SEC16A: variants seen among roughly 807,000 people sequenced by gnomAD.
The protein encoded by SEC16A is protein transport protein Sec16A.
A neutral mutation model predicts 221.9 loss-of-function variants in SEC16A; 110 were observed. The ratio of observed to expected loss-of-function variants is 0.50; its 90% CI spans 0.42 to 0.58. The LOEUF (loss-of-function observed/expected upper bound fraction) is 0.58, where lower values mean the gene tolerates loss of function less well. Ranked by LOEUF, SEC16A falls within the 20% of genes least tolerant of loss-of-function variation. The pLI is 0.00. For missense variants in SEC16A, 3,165 were observed against 3,097.8 expected, an observed-to-expected ratio of 1.02 and a Z score of -0.52; for synonymous variants, 1,393 against 1,257.7, an observed-to-expected ratio of 1.11 and a Z score of -2.28.
intron 31 of SEC16A, among the ~76,000 whole-genome samples, chr9:136,442,766 A>G (rs373909439): frequency 6.1e-4 from 93 of 152,368 alleles, no homozygotes; most frequent in African/African-American, 2.2e-3. Flanking sequence ...CAGGAAACCT[A>G]AGGCCACTTG....
At chr9:136,483,985 G>C (rs1413343237), upstream of SEC16A, 3 of 191,254 alleles carry the variant, frequency 1.6e-5, no homozygotes, top group African/African-American at 7.1e-5. Context: ...CTGTCCCTTC[G>C]CTCTGCACAG....
rs746345743 is a variant in SEC16A, at chr9:136,457,588, A to T, written c.5410-4T>A. ...AGGAGTAGATGAACTTAAACACCTG[A>T]AACGACAGAAGCCTTGCTGCCCTGC... On this transcript the variant is annotated splice_polypyrimidine_tract_variant and splice_region_variant and intron_variant, in intron 17 of 31. Coordinates refer to ENST00000684901, the MANE Select transcript of SEC16A (RefSeq NM_014866.2). The T allele has an allele frequency of 1.8e-5, 29 of 1,607,408 alleles. No individual in the cohort carries two copies. Among genetic ancestry groups the T allele is most frequent in the African/African-American group, 2.7e-5 (2 of 74,836 alleles).
chr9:136,446,703 C>T (rs527923450), intron 28 of SEC16A, among the ~76,000 whole-genome samples, 152 bp downstream of exon 28: 33 of 152,314 alleles, frequency 2.2e-4, no homozygotes, highest in African/African-American at 5.8e-4. Flanking sequence ...TTCTACCTTC[C>T]GTCTCTACCA....
chr9:136,462,953 A>T lies in SEC16A; in HGVS notation c.4827T>A (p.Ala1609=). ...QLSFLTGGPA[A]AASSLERETE... Reference sequence around the variant, plus strand: ...TCTCTCTCTCGAGCGAGCTGGCGGCAGCCGCCGGACCACCAGTGAGGAAAG... The same window carrying T: ...TCTCTCTCTCGAGCGAGCTGGCGGCTGCCGCCGGACCACCAGTGAGGAAAG... Residue 1609 remains alanine (A), a synonymous_variant, in exon 12 of 32, where the codon GCT becomes GCA. Transcript: ENST00000684901. 1 of 1,606,800 alleles carries T rather than the reference A, an allele frequency of 6.2e-7. No homozygotes were observed. Among genetic ancestry groups the T allele is most frequent in the Non-Finnish European group, 8.5e-7 (1 of 1,179,858 alleles).
Position 136,451,324 on chromosome 9 carries a change from G to C in SEC16A, c.6244C>G (p.Leu2082Val). 1 of 1,613,796 alleles carries C rather than the reference G, an allele frequency of 6.2e-7. No individual in the cohort carries two copies. The highest frequency in any genetic ancestry group is 8.5e-7 in the Non-Finnish European group (1 of 1,179,814). ...CTCTTTGTTTCGGGAGCGGGTGAGA[G>C]AGACAGAGGTGGCTGCGTGGGACCC... ...DSGPTQPPLS[L>V]SPAPETKRPG... is the part of the protein sequence containing the mutation. The change falls in exon 23 of 32, where the codon CTC (leucine) becomes GTC (valine). Residue 2082 changes from leucine to valine, a missense_variant. Around this residue, in one of 3 missense-constraint regions of SEC16A, gnomAD observed 1,088 missense variants for 1,089.6 expected, o/e 1.00. Coordinates refer to ENST00000684901, the MANE Select transcript of SEC16A (RefSeq NM_014866.2).
chr9:136,471,090 G>A (rs1840795947), intron 4 of SEC16A, among the ~76,000 whole-genome samples: 1 of 151,978 alleles, frequency 6.6e-6, no homozygotes, highest in African/African-American at 2.4e-5. Flanking sequence ...AAGCCACAGT[G>A]CCACAGGTCT....
In SEC16A at chr9:136,453,595, C is replaced by T. The variant is rs937966847; in HGVS notation, c.6077-85G>A. The T allele has an allele frequency of 2.9e-6, 3 of 1,037,128 alleles. No individual in the cohort carries two copies. The African/African-American group carries it at 4.7e-5, about 16-fold the overall frequency. 64.2% of individuals were successfully genotyped at this position (1,037,128 alleles called of 1,614,324 possible). ...GGCGCACAGATCAACAGGCACACCACCTTCCCACCCAGCTACCGCCACACC... is the reference window on the plus strand; with the variant it reads ...GGCGCACAGATCAACAGGCACACCATCTTCCCACCCAGCTACCGCCACACC... On this transcript the variant is annotated intron_variant, in intron 21 of 31. Transcript: ENST00000684901.
At chr9:136,481,173 C>T (rs1238097105) in intron 1 of SEC16A, among the ~76,000 whole-genome samples, 4 of 98,624 alleles carry the variant, frequency 4.1e-5, no homozygotes. Context: ...CTTGCTCTTT[C>T]ACCCAGGCTG....
rs1423006667 is a variant in SEC16A at position 136,457,363 on chromosome 9, C to A, written c.5550+81G>T. 6.8e-6 allele frequency: 10 copies of A among 1,474,472 alleles called. No homozygotes were observed. In the African/African-American group the frequency reaches 1.3e-4, roughly 19 times the overall value. The allele number at this position is 1,474,472 out of a possible 1,614,324, so 91.3% of individuals were successfully genotyped here. ...ACAATGCGCGTCTGAACCATCGCTA[C>A]CCCCATGCCCGGGGGCTCTGGCAAG... On this transcript the variant is annotated intron_variant, in intron 18 of 31. Coordinates refer to ENST00000684901, the MANE Select transcript of SEC16A (RefSeq NM_014866.2).
Position 136,441,677 on chromosome 9 carries a change from G to T in SEC16A, c.*78C>A. On this transcript the variant is annotated 3_prime_UTR_variant, in exon 32 of 32. Transcript: ENST00000684901. The stretch of plus-strand genomic sequence containing the variant: ...TGTGTCTCCCTGGGGGCGGGACGGA[G>T]ATCGCGGAGGTCGGTCGGGTTCTTC... 1.5e-6 allele frequency: 2 copies of T among 1,328,670 alleles called. No individual in the cohort carries two copies. The highest frequency in any genetic ancestry group is 2.2e-6 in the Non-Finnish European group (2 of 926,554). 82.3% of individuals were successfully genotyped at this position (1,328,670 alleles called of 1,614,324 possible). A position where few individuals can be genotyped will look rare whatever the true frequency, so the allele number is the denominator to read the frequency against.
At chr9:136,443,937 G>A (rs377287470) in intron 30 of SEC16A, 37 bp from the exon 31 acceptor site, 30 of 1,480,670 alleles carry the variant, frequency 2.0e-5, no homozygotes, top group Admixed American at 6.0e-5. Context: ...GCAGGGCTGC[G>A]CTGCACAGCA....
chr9:136,480,225 C>T (rs1208367374), intron 1 of SEC16A, among the ~76,000 whole-genome samples: 2 of 152,198 alleles, frequency 1.3e-5, no homozygotes, highest in Non-Finnish European at 2.9e-5. Context: ...CCACAGCAGA[C>T]ACAGCGACAC....
Position 136,459,606 on chromosome 9 carries a change from T to C in SEC16A, c.5192-51A>G. 1 of 1,466,214 alleles carries C rather than the reference T, an allele frequency of 6.8e-7. No individual in the cohort carries two copies. Among genetic ancestry groups the C allele is most frequent in the Non-Finnish European group, 9.3e-7 (1 of 1,071,508 alleles). 90.8% of individuals were successfully genotyped at this position (1,466,214 alleles called of 1,614,324 possible). Reference sequence around the variant, plus strand: ...GCGGGGGCTCAGCGACCGGGAGCGCTTGCAGAAGTCAAGGACGCGCACAGA... The same window carrying C: ...GCGGGGGCTCAGCGACCGGGAGCGCCTGCAGAAGTCAAGGACGCGCACAGA... On this transcript the variant is annotated intron_variant, in intron 15 of 31. Transcript: ENST00000684901. The surrounding 1 kb of genome is among the most constrained non-coding windows in gnomAD (Gnocchi z 6.1).
Position 136,477,227 on chromosome 9 carries a change from G to C in SEC16A, c.389C>G (p.Pro130Arg). 8 of 1,613,948 alleles carry C rather than the reference G, an allele frequency of 5.0e-6. No homozygotes were observed. The highest frequency in any genetic ancestry group is 5.9e-6 in the Non-Finnish European group (7 of 1,179,892). Residue 130 changes from proline to arginine, a missense_variant, in exon 3 of 32, where the codon CCT (proline) becomes CGT (arginine). Transcript: ENST00000684901. ...CATCTCAGGCCCAGGAGGTGCTGAA[G>C]GTGTCAATGCACCAGAAAACGGACT... Reference protein sequence around the residue: ...HASPFSGALTPSAPPGPEMNR... With the variant: ...HASPFSGALTRSAPPGPEMNR...
At chr9:136,470,733 T>G (rs1357163327) in intron 4 of SEC16A, among the ~76,000 whole-genome samples, 1 of 152,260 alleles carries the variant, frequency 6.6e-6, no homozygotes, top group Admixed American at 6.5e-5. Flanking sequence ...ACAGAGCCTT[T>G]GTCTTTAGGT....
At chr9:136,450,805 C>A (rs940145684) in intron 23 of SEC16A, among the ~76,000 whole-genome samples, 2 of 152,204 alleles carry the variant, frequency 1.3e-5, no homozygotes, top group East Asian at 1.9e-4. Context: ...ACCCTCAGCT[C>A]CTTGGCACGC....
At position 136,475,101 on chromosome 9, in the gene SEC16A, G is replaced by C; in HGVS notation, c.2515C>G (p.Leu839Val). ...ACAGAAAAGTTAATGGGCTGAGCCA[G>C]ATTATAGCTGTGATCAGGCTGAGCA... ...LIAQPDHSYN[L>V]AQPINFSVSL... Residue 839 changes from leucine (L) to valine (V), a missense_variant, in exon 3 of 32, where the codon CTG (leucine) becomes GTG (valine). Transcript: ENST00000684901. The surrounding 1 kb of genome is among the most constrained non-coding windows in gnomAD (Gnocchi z 5.0). 6.2e-7 allele frequency: 1 copy of C among 1,613,868 alleles called. No individual in the cohort carries two copies. The highest frequency in any genetic ancestry group is 1.1e-5 in the South Asian group (1 of 91,070).
chr9:136,482,261 TG>T (rs1437362350), intron 1 of SEC16A, among the ~76,000 whole-genome samples: 4 of 152,204 alleles, frequency 2.6e-5, no homozygotes, highest in Non-Finnish European at 4.4e-5. Flanking sequence ...TATTGCCACA[TG>T]GGGGATGGGA....
upstream of SEC16A, chr9:136,484,531 C>T: frequency 7.8e-7 from 1 of 1,286,534 alleles, no homozygotes; most frequent in Non-Finnish European, 1.0e-6. Flanking sequence ...TTCCAGAGGG[C>T]AGGCGCCGTG....
Sources: gnomAD v4.1 joint callset for allele counts (sites outside exome capture counted in the v4.1 genomes callset) on GRCh38, gnomAD v4.1.1 for gene constraint, gnomAD v4.1.1 regional missense constraint, Gnocchi (gnomAD v3.1) non-coding constraint, MANE v1.5 for transcripts, NCBI Gene and HGNC (gene_info 2026-07-23, HGNC 2026-07-21) for gene names.